The following GSG1L variants were observed in gnomAD, a reference collection of about 807,000 sequenced individuals.
GSG1L encodes the protein germ cell-specific gene 1-like protein.
In GSG1L, 24 loss-of-function variants were observed where a neutral mutation model predicts 42.1. The ratio of observed to expected loss-of-function variants is 0.57; its 90% CI spans 0.41 to 0.80. GSG1L has a LOEUF of 0.80. Ranked by LOEUF, GSG1L falls within the 30% of genes least tolerant of loss-of-function variation. The probability of loss-of-function intolerance (pLI) is 0.00; values close to 1 mark genes in which losing one functional copy is unlikely to be tolerated. For missense variants in GSG1L, 445 were observed against 472.2 expected (o/e 0.94, Z 0.53); for synonymous variants, 215 against 203.5 (o/e 1.06, Z -0.48).
At chr16:27,977,559 CAAAAAAAAAAAA>C (rs34588077) in intron 1 of GSG1L, among the ~76,000 whole-genome samples, 2 of 44,946 alleles carry the variant, frequency 4.4e-5, no homozygotes, top group African/African-American at 9.4e-5. Flanking sequence ...CACCCTGCCT[CAAAAAAAAAAAA>C]AAAAAAAAAA....
At chr16:27,911,387 T>C (rs1331746696) in intron 2 of GSG1L, among the ~76,000 whole-genome samples, 1 of 151,792 alleles carries the variant, frequency 6.6e-6, no homozygotes, top group East Asian at 1.9e-4. Flanking sequence ...GCCTCCCAGG[T>C]TCAAGCTATT....
chr16:27,946,686 AAGAAAG>A, intron 2 of GSG1L, among the ~76,000 whole-genome samples: 1 of 148,178 alleles, frequency 6.7e-6, no homozygotes, highest in Non-Finnish European at 1.5e-5. Flanking sequence ...GAAAGAAAGA[AAGAAAG>A]AATTAAATGA....
chr16:28,034,312 C>G (rs949656636), intron 1 of GSG1L, among the ~76,000 whole-genome samples: 1 of 145,942 alleles, frequency 6.9e-6, no homozygotes, highest in East Asian at 2.1e-4. Flanking sequence ...CCCATCCTAT[C>G]CCTATGGTCC....
intron 1 of GSG1L, among the ~76,000 whole-genome samples, chr16:27,974,236 A>G (rs375268560): frequency 6.6e-6 from 1 of 152,174 alleles, no homozygotes; most frequent in Non-Finnish European, 1.5e-5. Context: ...GGGGATCCAC[A>G]GCACCCTAAA....
At chr16:27,888,414 T>C (rs2084057925) in intron 2 of GSG1L, among the ~76,000 whole-genome samples, 3 of 15,092 alleles carry the variant, frequency 2.0e-4, no homozygotes, top group African/African-American at 3.6e-4. Flanking sequence ...CTTTCTTTCT[T>C]TCTTTCTTTC....
intron 3 of GSG1L, among the ~76,000 whole-genome samples, chr16:27,861,269 C>T (rs2083647604): frequency 6.6e-6 from 1 of 152,070 alleles, no homozygotes; most frequent in Non-Finnish European, 1.5e-5. Context: ...CGCAGCTACT[C>T]AGGAGGCTAA....
Position 27,977,559 on chromosome 16 carries a change from CAAAAAA to C in GSG1L, c.350-14362_350-14357del, listed in dbSNP as rs34588077. Among the ~76,000 whole-genome samples, 91 of 44,940 alleles carry C rather than the reference CAAAAAA, an allele frequency of 2.0e-3. 3 individuals are homozygous for C. The East Asian group carries it at 0.044, about 22-fold the overall frequency. 29.5% of individuals were successfully genotyped at this position (44,940 alleles called of 152,430 possible). A position where few individuals can be genotyped will look rare whatever the true frequency, so the allele number is the denominator to read the frequency against. On this transcript the variant is annotated intron_variant, in intron 1 of 6. Coordinates refer to ENST00000447459, the MANE Select transcript of GSG1L (RefSeq NM_001109763.2). ...TGGGCTACGGAGTGACACCCTGCCT[CAAAAAA>C]AAAAAAAAAAAAAAAAAAAAAGGGC...
chr16:28,047,058 A>C (rs1208300973), intron 1 of GSG1L, among the ~76,000 whole-genome samples: 1 of 152,186 alleles, frequency 6.6e-6, no homozygotes, highest in Non-Finnish European at 1.5e-5. Flanking sequence ...GTGGACAGTG[A>C]CCAGCCCATA....
chr16:28,053,336 A>G (rs1301863709), intron 1 of GSG1L, among the ~76,000 whole-genome samples: 2 of 152,120 alleles, frequency 1.3e-5, no homozygotes, highest in African/African-American at 4.8e-5. Flanking sequence ...TTTACAGAAG[A>G]CTTCTTTTTG....
At chr16:27,851,732 T>C (rs1418243427) in intron 3 of GSG1L, among the ~76,000 whole-genome samples, 1 of 152,252 alleles carries the variant, frequency 6.6e-6, no homozygotes, top group Non-Finnish European at 1.5e-5. Context: ...GCAGGGCAGC[T>C]GTGGGATTCA....
At chr16:28,049,147 A>G (rs775600403) in intron 1 of GSG1L, among the ~76,000 whole-genome samples, 20 of 152,226 alleles carry the variant, frequency 1.3e-4, no homozygotes, top group Non-Finnish European at 2.2e-4. Context: ...CAAAGCCATT[A>G]GAAAGAGAAG....
intron 2 of GSG1L, among the ~76,000 whole-genome samples, chr16:27,927,311 A>G (rs1002155732): frequency 6.6e-6 from 1 of 151,298 alleles, no homozygotes; most frequent in Non-Finnish European, 1.5e-5. Context: ...CTAATTTTTC[A>G]ATTTTTTTGT....
rs566686361 is a variant in GSG1L, at chr16:27,867,803, T to G, written c.550+16683A>C. 2.0e-5 allele frequency among the ~76,000 whole-genome samples: 3 copies of G among 147,390 alleles called. No homozygotes were observed. In the South Asian group the frequency reaches 6.9e-4, roughly 34 times the overall value. ...GGCTTCCTCCTGAGGCCACGCCCCC[T>G]GAGGCCACGCCCCCTGAGGCCAGCC... On this transcript the variant is annotated intron_variant, in intron 3 of 6. Transcript: ENST00000447459.
At chr16:27,863,534 C>CT (rs2083680104) in intron 3 of GSG1L, among the ~76,000 whole-genome samples, 1 of 152,096 alleles carries the variant, frequency 6.6e-6, no homozygotes, top group African/African-American at 2.4e-5. Context: ...AGAGTTCTAA[C>CT]TTTTAACTGA....
chr16:27,963,546 G>T (rs113000174), intron 1 of GSG1L, among the ~76,000 whole-genome samples: 10 of 152,192 alleles, frequency 6.6e-5, no homozygotes, highest in African/African-American at 2.4e-4. Context: ...TCTCCACGCT[G>T]CAGCTGGAGG....
intron 2 of GSG1L, among the ~76,000 whole-genome samples, chr16:27,901,642 G>A (rs764427204): frequency 2.6e-5 from 4 of 152,224 alleles, no homozygotes; most frequent in African/African-American, 4.8e-5. Context: ...TCTGCACTTC[G>A]AGCAAGTGCC....
intron 5 of GSG1L, chr16:27,823,990 A>T (rs1241770511): frequency 1.4e-6 from 1 of 701,074 alleles, no homozygotes. Context: ...CATCTGAGGT[A>T]TTTAGAGGAG....
chr16:27,900,178 G>A lies in GSG1L; in HGVS notation c.398-15540C>T, dbSNP rs377565461. On this transcript the variant is annotated intron_variant, in intron 2 of 6. Coordinates refer to ENST00000447459, the MANE Select transcript of GSG1L (RefSeq NM_001109763.2). ...AACAGGACTTGGATCCAGTCCTCCA[G>A]GAACCCCAAATTGAACCTGCGGGGT... Among the ~76,000 whole-genome samples, 3 of 152,284 alleles carry A rather than the reference G, an allele frequency of 2.0e-5. No individual in the cohort carries two copies. The East Asian group carries it at 5.8e-4, about 29-fold the overall frequency.
intron 2 of GSG1L, among the ~76,000 whole-genome samples, chr16:27,943,215 C>A (rs986372715): frequency 2.6e-5 from 4 of 151,988 alleles, no homozygotes; most frequent in Non-Finnish European, 5.9e-5. Flanking sequence ...TCACTGCACC[C>A]AGCCAAAATT....
Sources: gnomAD v4.1 joint callset for allele counts (sites outside exome capture counted in the v4.1 genomes callset) on GRCh38, gnomAD v4.1.1 for gene constraint, MANE v1.5 for transcripts, NCBI Gene and HGNC (gene_info 2026-07-23, HGNC 2026-07-21) for gene names.